CNTN5: variants seen among roughly 807,000 people sequenced by gnomAD.
CNTN5 encodes the protein contactin-5.
In CNTN5, 77 loss-of-function variants were observed where a neutral mutation model predicts 129.1. The ratio of observed to expected loss-of-function variants is 0.60; its 90% confidence interval spans 0.50 to 0.72. The LOEUF (loss-of-function observed/expected upper bound fraction) is 0.72, where lower values mean the gene tolerates loss of function less well. CNTN5 is among the 30% of genes least tolerant of loss of function. The pLI, the probability that CNTN5 is intolerant of heterozygous loss-of-function variation, is 0.00. For synonymous variants in CNTN5, 509 were observed against 465.6 expected (o/e 1.09, Z -1.20); for missense variants, 1,478 against 1,328.8 (o/e 1.11, Z -1.75).
At chr11:99,074,468 G>T (rs1358763190) in intron 1 of CNTN5, among the ~76,000 whole-genome samples, 1 of 152,078 alleles carries the variant, frequency 6.6e-6, no homozygotes, top group Non-Finnish European at 1.5e-5. Context: ...TACCATTTAG[G>T]ACATAGGCAT....
chr11:99,774,430 G>A (rs1198280747), intron 3 of CNTN5, among the ~76,000 whole-genome samples: 1 of 150,888 alleles, frequency 6.6e-6, no homozygotes, highest in Non-Finnish European at 1.5e-5. Context: ...TGTGTCTCAT[G>A]AGATCTTAAA....
At chr11:99,407,659 C>T (rs1942140227) in intron 2 of CNTN5, among the ~76,000 whole-genome samples, 1 of 152,132 alleles carries the variant, frequency 6.6e-6, no homozygotes, top group African/African-American at 2.4e-5. Flanking sequence ...TTCTTGTGGC[C>T]TAAACTGCCT....
At chr11:99,817,662 A>G (rs2440006) in intron 3 of CNTN5, among the ~76,000 whole-genome samples, 7 of 149,052 alleles carry the variant, frequency 4.7e-5, no homozygotes, top group Admixed American at 4.0e-4. Flanking sequence ...ACACAAAGCA[A>G]TAGATTGCAC....
intron 13 of CNTN5, among the ~76,000 whole-genome samples, chr11:100,140,509 G>A (rs986922084): frequency 2.0e-5 from 3 of 152,094 alleles, no homozygotes; most frequent in Non-Finnish European, 2.9e-5. Context: ...TGGAGTTAGG[G>A]TACAGAAAAG....
At chr11:99,735,379 A>C (rs1367053899) in intron 3 of CNTN5, among the ~76,000 whole-genome samples, 2 of 152,318 alleles carry the variant, frequency 1.3e-5, no homozygotes, top group East Asian at 1.9e-4. Flanking sequence ...AAATTTTAAA[A>C]AGTAGAAGGT....
intron 3 of CNTN5, among the ~76,000 whole-genome samples, chr11:99,814,679 G>A (rs747567601): frequency 2.6e-5 from 4 of 152,076 alleles, no homozygotes; most frequent in African/African-American, 4.8e-5. Flanking sequence ...GGAGGGAGTT[G>A]AGGAAATGAG....
chr11:99,893,405 T>C (rs1246461589), intron 6 of CNTN5, among the ~76,000 whole-genome samples: 1 of 152,188 alleles, frequency 6.6e-6, no homozygotes, highest in Non-Finnish European at 1.5e-5. Flanking sequence ...TGTTATCTGC[T>C]CTCTTGCTAA....
intron 3 of CNTN5, among the ~76,000 whole-genome samples, chr11:99,688,573 T>G (rs1254530170): frequency 6.6e-6 from 1 of 152,176 alleles, no homozygotes; most frequent in Non-Finnish European, 1.5e-5. Flanking sequence ...GAAATTTTTT[T>G]TTCCACAGTG....
At chr11:99,683,794 T>TAATG (rs1774638667) in intron 3 of CNTN5, among the ~76,000 whole-genome samples, 1 of 151,868 alleles carries the variant, frequency 6.6e-6, no homozygotes, top group African/African-American at 2.4e-5. Flanking sequence ...CTGTAGTCAG[T>TAATG]AATGCTTTCT....
In CNTN5 at chr11:99,651,731, C is replaced by T. The variant is rs931165516; in HGVS notation, c.55+95462C>T. ...TTTTATCAGCACTTACTTTTTAACC[C>T]TATCAACGGCCTCAGGATTATATGT... On this transcript the variant is annotated intron_variant, in intron 3 of 24. Coordinates refer to ENST00000524871, the MANE Select transcript of CNTN5 (RefSeq NM_014361.4). Among the ~76,000 whole-genome samples, 24 of 152,018 alleles carry T rather than the reference C, an allele frequency of 1.6e-4. 1 individual carries two copies. The highest frequency in any genetic ancestry group is 3.4e-3 in the Middle Eastern group (1 of 294).
intron 3 of CNTN5, among the ~76,000 whole-genome samples, chr11:99,578,451 T>A (rs1303756623): frequency 6.7e-6 from 1 of 148,234 alleles, no homozygotes; most frequent in East Asian, 2.0e-4. Context: ...ACCAACAGTG[T>A]AAAAGTGTTC....
chr11:99,566,782 A>G (rs1949019481), intron 3 of CNTN5, among the ~76,000 whole-genome samples: 2 of 152,194 alleles, frequency 1.3e-5, no homozygotes, highest in African/African-American at 2.4e-5. Flanking sequence ...TACAAATATT[A>G]TTAGTATTTA....
At position 99,867,517 on chromosome 11, in the gene CNTN5, A is replaced by AT. The variant is rs534363962; in HGVS notation, c.577+22256dup. 1.3e-3 allele frequency among the ~76,000 whole-genome samples: 196 copies of AT among 152,238 alleles called. 1 individual carries two copies. Among genetic ancestry groups the AT allele is most frequent in the African/African-American group, 4.4e-3 (181 of 41,542 alleles). On this transcript the variant is annotated intron_variant, in intron 6 of 24. Coordinates refer to ENST00000524871, the MANE Select transcript of CNTN5 (RefSeq NM_014361.4). ...TTATGGAGGCTCCAGGAGAAAATCA[A>AT]TGTTCTTAGATTTTCCAGTTTCTGG...
intron 1 of CNTN5, among the ~76,000 whole-genome samples, chr11:99,110,693 G>A (rs1857749734): frequency 6.6e-6 from 1 of 152,110 alleles, no homozygotes; most frequent in Admixed American, 6.6e-5. Context: ...AGATAAGTTG[G>A]TGTTTCTCAT....
chr11:100,088,613 A>T (rs1163153384), intron 13 of CNTN5, among the ~76,000 whole-genome samples: 1 of 152,144 alleles, frequency 6.6e-6, no homozygotes, highest in Non-Finnish European at 1.5e-5. Flanking sequence ...GAACACCTCT[A>T]TGCACACAAA....
intron 13 of CNTN5, among the ~76,000 whole-genome samples, chr11:100,077,888 G>A (rs1421556): frequency 0.26 from 39,424 of 151,724 alleles, 5,316 homozygotes; most frequent in South Asian, 0.4. Flanking sequence ...AACAAAATAC[G>A]TCAATTGCTT....
chr11:100,069,963 C>A (rs1357099568), intron 10 of CNTN5, among the ~76,000 whole-genome samples: 2 of 151,918 alleles, frequency 1.3e-5, no homozygotes, highest in African/African-American at 2.4e-5. Flanking sequence ...ACAGTGAAAT[C>A]TGGATTCACA....
At position 99,660,848 on chromosome 11, in the gene CNTN5, G is replaced by A. The variant is rs531586002; in HGVS notation, c.55+104579G>A. On this transcript the variant is annotated intron_variant, in intron 3 of 24. Transcript: ENST00000524871. ...TTTTTTCTTCTCTACATTTCAATGGGTAGACCTTAGTTCCTTGGTAAAGTT... is the reference window on the plus strand; with the variant it reads ...TTTTTTCTTCTCTACATTTCAATGGATAGACCTTAGTTCCTTGGTAAAGTT... 3.2e-3 allele frequency among the ~76,000 whole-genome samples: 480 copies of A among 151,948 alleles called. 4 individuals carry two copies. Among genetic ancestry groups the A allele is most frequent in the Middle Eastern group, 0.014 (4 of 292 alleles).
At chr11:99,083,352 T>A (rs1479268115) in intron 1 of CNTN5, among the ~76,000 whole-genome samples, 1 of 152,222 alleles carries the variant, frequency 6.6e-6, no homozygotes, top group Non-Finnish European at 1.5e-5. Context: ...ATGAAGTTAC[T>A]GATTCCTAGG....
Sources: gnomAD v4.1 joint callset for allele counts (sites outside exome capture counted in the v4.1 genomes callset) on GRCh38, gnomAD v4.1.1 for gene constraint, MANE v1.5 for transcripts, NCBI Gene and HGNC (gene_info 2026-07-23, HGNC 2026-07-21) for gene names.